The following IQCH variants were observed in gnomAD, a reference collection of about 807,000 sequenced individuals.
The protein encoded by IQCH is IQ domain-containing protein H.
A neutral mutation model predicts 117.0 loss-of-function variants in IQCH; 98 were observed. The observed-to-expected ratio is 0.84, with a 90% CI of 0.71 to 0.99. The LOEUF (loss-of-function observed/expected upper bound fraction) is 0.99. IQCH is among the 50% of genes least tolerant of loss of function. The probability of loss-of-function intolerance (pLI) is 0.00; values close to 1 mark genes in which losing one functional copy is unlikely to be tolerated. For synonymous variants in IQCH, 412 were observed against 448.2 expected, an observed-to-expected ratio of 0.92 and a Z score of 1.02; for missense variants, 1,102 against 1,243.8, an observed-to-expected ratio of 0.89 and a Z score of 1.72.
intron 16 of IQCH, among the ~76,000 whole-genome samples, chr15:67,423,273 T>G (rs1401588916): frequency 1.3e-5 from 2 of 152,048 alleles, no homozygotes; most frequent in African/African-American, 4.8e-5. Context: ...GTATTTGTTG[T>G]AAGAAAGATT....
intron 4 of IQCH, among the ~76,000 whole-genome samples, chr15:67,297,217 A>G (rs1188598870): frequency 6.6e-6 from 1 of 152,196 alleles, no homozygotes; most frequent in East Asian, 1.9e-4. Context: ...TAATAAAATA[A>G]TGAACAATTA....
rs766031718 is a variant in IQCH at position 67,407,959 on chromosome 15, T to C, written c.2097+7654T>C. 6.6e-6 allele frequency: 1 copy of C among 152,190 alleles called. No homozygotes were observed. Among genetic ancestry groups the C allele is most frequent in the Non-Finnish European group, 1.5e-5 (1 of 68,052 alleles). The allele number at this position is 152,190 out of a possible 1,614,324, so 9.4% of individuals were successfully genotyped here. Reference sequence around the variant, plus strand: ...ACAGTTGAAATGGTGCCAAGGTCTATTGTACAAGGCAGAGAAAAGGAGGTT... The same window carrying C: ...ACAGTTGAAATGGTGCCAAGGTCTACTGTACAAGGCAGAGAAAAGGAGGTT... On this transcript the variant is annotated intron_variant, in intron 14 of 20. Coordinates refer to ENST00000335894, the MANE Select transcript of IQCH (RefSeq NM_001031715.3). The surrounding 1 kb of genome is among the most constrained non-coding windows in gnomAD (Gnocchi z 5.3).
intron 3 of IQCH, among the ~76,000 whole-genome samples, chr15:67,267,516 T>C (rs764282379): frequency 7.9e-4 from 120 of 152,336 alleles, no homozygotes; most frequent in Non-Finnish European, 5.1e-4. Flanking sequence ...GAAATTCTAC[T>C]ACCCGGTTGC....
At chr15:67,410,391 A>C (rs1048633855) in intron 14 of IQCH, among the ~76,000 whole-genome samples, 4 of 152,086 alleles carry the variant, frequency 2.6e-5, no homozygotes, top group African/African-American at 4.8e-5. Context: ...TGTATACTAC[A>C]CTCCATTCTA....
At position 67,456,280 on chromosome 15, in the gene IQCH, A is replaced by C. The variant is rs2082655762; in HGVS notation, c.2506-8847A>C. Among the ~76,000 whole-genome samples, 2 of 152,366 alleles carry C rather than the reference A, an allele frequency of 1.3e-5. No individual in the cohort carries two copies. Among genetic ancestry groups the C allele is most frequent in the South Asian group, 4.1e-4 (2 of 4,828 alleles). On this transcript the variant is annotated intron_variant, in intron 16 of 20. Transcript: ENST00000335894. The surrounding 1 kb of genome is among the most constrained non-coding windows in gnomAD (Gnocchi z 5.1). ...CTGCATATCATGAACGAATTTCCAA[A>C]GTCACAGAGAAACTTGGCACTCTGA...
At chr15:67,495,322 G>A (rs2083775931) in intron 20 of IQCH, among the ~76,000 whole-genome samples, 1 of 152,176 alleles carries the variant, frequency 6.6e-6, no homozygotes, top group African/African-American at 2.4e-5. Context: ...TTACATCAGT[G>A]TTCACTGGTC....
At chr15:67,335,450 G>A (rs1053152238) in intron 4 of IQCH, among the ~76,000 whole-genome samples, 42 of 152,144 alleles carry the variant, frequency 2.8e-4, no homozygotes, top group Non-Finnish European at 4.3e-4. Context: ...ATTTACCTTT[G>A]TCTCACTGAC....
In IQCH at chr15:67,445,967, T is replaced by G. The variant is rs2082382272; in HGVS notation, c.2506-19160T>G. 6.6e-6 allele frequency among the ~76,000 whole-genome samples: 1 copy of G among 152,172 alleles called. No individual in the cohort carries two copies. Among genetic ancestry groups the G allele is most frequent in the African/African-American group, 2.4e-5 (1 of 41,440 alleles). On this transcript the variant is annotated intron_variant, in intron 16 of 20. Coordinates refer to ENST00000335894, the MANE Select transcript of IQCH (RefSeq NM_001031715.3). The surrounding 1 kb of genome is among the most constrained non-coding windows in gnomAD (Gnocchi z 4.3). Reference sequence around the variant, plus strand: ...GACAACTGTGTTCCCCTGCAGCTTTTCCCCAGAATTGGAGGGACCGTGTTT... The same window carrying G: ...GACAACTGTGTTCCCCTGCAGCTTTGCCCCAGAATTGGAGGGACCGTGTTT...
chr15:67,442,861 TAG>T (rs758920513), intron 16 of IQCH, among the ~76,000 whole-genome samples: 3 of 124,672 alleles, frequency 2.4e-5, no homozygotes, highest in Non-Finnish European at 5.1e-5. Flanking sequence ...GATAGATAGA[TAG>T]ATATACATAT....
At chr15:67,360,493 T>C (rs1251752993) in intron 8 of IQCH, among the ~76,000 whole-genome samples, 1 of 152,240 alleles carries the variant, frequency 6.6e-6, no homozygotes, top group Non-Finnish European at 1.5e-5. Context: ...ATGCACCTGA[T>C]TCTCCTTTGA....
intron 4 of IQCH, among the ~76,000 whole-genome samples, chr15:67,281,208 G>A (rs1966342201): frequency 6.6e-6 from 1 of 152,112 alleles, no homozygotes; most frequent in African/African-American, 2.4e-5. Flanking sequence ...GGCAGTAACT[G>A]TATTAGTTTG....
intron 1 of IQCH, 120 bp from the exon 2 acceptor site, chr15:67,261,152 C>G: frequency 1.6e-6 from 1 of 614,118 alleles, no homozygotes; most frequent in Non-Finnish European, 2.6e-6. Context: ...CAATGAATAC[C>G]ATAAAATCAG....
At chr15:67,335,420 A>C (rs904034954) in intron 4 of IQCH, among the ~76,000 whole-genome samples, 9 of 152,140 alleles carry the variant, frequency 5.9e-5, no homozygotes, top group African/African-American at 2.2e-4. Context: ...ATTTAAGTTG[A>C]ATCTTTCTCT....
At chr15:67,262,749 G>T (rs941403708) in intron 2 of IQCH, among the ~76,000 whole-genome samples, 1 of 152,130 alleles carries the variant, frequency 6.6e-6, no homozygotes, top group Non-Finnish European at 1.5e-5. Flanking sequence ...GCCAGGTGTG[G>T]TGGCATGTGC....
intron 6 of IQCH, among the ~76,000 whole-genome samples, chr15:67,345,052 C>T (rs1883695739): frequency 6.6e-6 from 1 of 152,106 alleles, no homozygotes; most frequent in Admixed American, 6.5e-5. Context: ...TGCAATGGCG[C>T]AATCTTGGCT....
At position 67,433,658 on chromosome 15, in the gene IQCH, ATGGCCAGGGCGAGGAAAATC is replaced by A. The variant is rs1287437984; in HGVS notation, c.2505+12085_2505+12104del. Among the ~76,000 whole-genome samples the A allele has an allele frequency of 6.6e-6, 1 of 152,212 alleles. No homozygotes were observed. Among genetic ancestry groups the A allele is most frequent in the Non-Finnish European group, 1.5e-5 (1 of 68,026 alleles). On this transcript the variant is annotated intron_variant, in intron 16 of 20. Coordinates refer to ENST00000335894, the MANE Select transcript of IQCH (RefSeq NM_001031715.3). The surrounding 1 kb of genome is among the most constrained non-coding windows in gnomAD (Gnocchi z 5.4). ...ATCTTTAACTTGAATCACCAGAAAC[ATGGCCAGGGCGAGGAAAATC>A]TGGACACTCACACTGCACCCTGCTG...
chr15:67,471,538 G>A lies in IQCH; in HGVS notation c.2677-4158G>A, dbSNP rs114816615. 9.7e-3 allele frequency among the ~76,000 whole-genome samples: 1,476 copies of A among 152,264 alleles called. 25 individuals carry two copies. The highest frequency in any genetic ancestry group is 0.033 in the African/African-American group (1,377 of 41,526). On this transcript the variant is annotated intron_variant, in intron 17 of 20. Transcript: ENST00000335894. The stretch of plus-strand genomic sequence containing the variant: ...AAGCAAAGTTAAGTGAGCTGCCCAA[G>A]TCATAAAGGTGGTACATAGCAAAGC...
At chr15:67,415,089 G>T (rs2081544224) in intron 14 of IQCH, among the ~76,000 whole-genome samples, 1 of 152,196 alleles carries the variant, frequency 6.6e-6, no homozygotes, top group African/African-American at 2.4e-5. Flanking sequence ...ACAAAAGAAA[G>T]ATGGATTTGG....
At chr15:67,372,908 GA>G (rs904472319) in intron 9 of IQCH, among the ~76,000 whole-genome samples, 126 of 139,426 alleles carry the variant, frequency 9.0e-4, no homozygotes, top group Admixed American at 2.1e-3. Flanking sequence ...TTTTTCTATA[GA>G]AAAAAAAAAA....
Sources: allele counts gnomAD v4.1 joint callset (sites outside exome capture counted in the v4.1 genomes callset), GRCh38; gene constraint gnomAD v4.1.1; non-coding constraint Gnocchi (gnomAD v3.1); transcripts MANE v1.5; gene names NCBI Gene and HGNC (gene_info 2026-07-23, HGNC 2026-07-21).